The following TAF4 variants were observed in gnomAD, a reference collection of about 807,000 sequenced individuals.
TAF4 encodes transcription initiation factor TFIID subunit 4.
A neutral mutation model predicts 90.3 loss-of-function variants in TAF4; 9 were observed. The observed-to-expected ratio is 0.10, with a 90% CI of 0.06 to 0.17. The LOEUF is 0.17. Among genes scored for constraint, TAF4 ranks in the 10% least tolerant of loss-of-function variants. The probability of loss-of-function intolerance (pLI) is 1.00; values close to 1 mark genes in which losing one functional copy is unlikely to be tolerated. For missense variants in TAF4, 1,351 were observed against 1,370.7 expected (o/e 0.99, Z 0.23); for synonymous variants, 818 against 638.9 (o/e 1.28, Z -4.23).
intron 1 of TAF4, among the ~76,000 whole-genome samples, chr20:62,047,300 G>A (rs535658385): frequency 1.3e-5 from 2 of 152,136 alleles, no homozygotes; most frequent in Admixed American, 6.5e-5. Flanking sequence ...TCCTTACCCC[G>A]AGAGGTCACA....
rs1301352071 is a variant in TAF4 at position 62,065,007 on chromosome 20, G to A, written c.804C>T (p.Ala268=). Residue 268 remains alanine (A), a synonymous_variant, in exon 1 of 15, where the codon GCC becomes GCT. Transcript: ENST00000252996. ...PAAPAPAAPA[A]APPPPPPAPA... is the part of the protein sequence containing the mutation. The stretch of plus-strand genomic sequence containing the variant: ...GCGCGGGGGGTGGCGGGGGCGGGGC[G>A]GCGGCGGGGGCGGCGGGCGCGGGGG... The A allele has an allele frequency of 5.5e-5, 16 of 292,866 alleles. No individual in the cohort carries two copies. Among genetic ancestry groups the A allele is most frequent in the Non-Finnish European group, 7.6e-5 (16 of 209,722 alleles). 18.1% of individuals were successfully genotyped at this position (292,866 alleles called of 1,614,324 possible). A position where few individuals can be genotyped will look rare whatever the true frequency, so the allele number is the denominator to read the frequency against.
At position 62,003,771 on chromosome 20, in the gene TAF4, G is replaced by A; in HGVS notation, c.2331C>T (p.Leu777=). ...ALRQPHNRIM[L]TTPQQIQLNP... ...TCAGCTGGATCTGCTGAGGCGTGGT[G>A]AGCATGATCCGGTTGTGAGGCTGCC... The change falls in exon 8 of 15, where the codon CTC becomes CTT. Residue 777 remains leucine (L), a synonymous_variant. Transcript: ENST00000252996. 1 of 1,608,114 alleles carries A rather than the reference G, an allele frequency of 6.2e-7. No homozygotes were observed. Among genetic ancestry groups the A allele is most frequent in the Non-Finnish European group, 8.5e-7 (1 of 1,179,356 alleles).
At chr20:61,993,221 G>A (rs1031265261) in intron 14 of TAF4, among the ~76,000 whole-genome samples, 3 of 152,184 alleles carry the variant, frequency 2.0e-5, no homozygotes, top group Admixed American at 2.0e-4. Context: ...CATGAAGCAT[G>A]ACCAGCCACC....
intron 14 of TAF4, chr20:61,978,867 A>C (rs1224102339): frequency 2.0e-5 from 3 of 153,566 alleles, no homozygotes; most frequent in African/African-American, 7.2e-5. Flanking sequence ...AGATTCTGTG[A>C]GTTTTATCAA....
chr20:62,062,108 C>T (rs1298692692), intron 1 of TAF4, among the ~76,000 whole-genome samples: 1 of 152,244 alleles, frequency 6.6e-6, no homozygotes, highest in Non-Finnish European at 1.5e-5. Flanking sequence ...GAACCCTGCC[C>T]ACCCCTAATA....
At chr20:62,054,383 C>T (rs1036563100) in intron 1 of TAF4, among the ~76,000 whole-genome samples, 3 of 152,166 alleles carry the variant, frequency 2.0e-5, no homozygotes, top group Non-Finnish European at 4.4e-5. Context: ...AATTTGTGCA[C>T]GCCAACATGC....
intron 1 of TAF4, among the ~76,000 whole-genome samples, chr20:62,022,869 C>T (rs1054210132): frequency 2.0e-5 from 3 of 152,158 alleles, no homozygotes; most frequent in South Asian, 2.1e-4. Flanking sequence ...CAGCCCCCCC[C>T]CCGCACATTG....
chr20:62,009,806 G>A (rs1057071700), intron 4 of TAF4, among the ~76,000 whole-genome samples: 1 of 152,210 alleles, frequency 6.6e-6, no homozygotes, highest in African/African-American at 2.4e-5. Flanking sequence ...TTTTTCAAAG[G>A]CAGGTGTTTG....
intron 1 of TAF4, among the ~76,000 whole-genome samples, chr20:62,019,780 A>G (rs6061399): frequency 0.046 from 7,045 of 152,288 alleles, 403 homozygotes; most frequent in African/African-American, 0.14. Context: ...CCCACACAAC[A>G]GTTTTCCTGA....
At chr20:61,990,192 T>C (rs1422451764) in intron 14 of TAF4, among the ~76,000 whole-genome samples, 1 of 152,074 alleles carries the variant, frequency 6.6e-6, no homozygotes, top group Non-Finnish European at 1.5e-5. Flanking sequence ...GATTAAAGTG[T>C]ACATATTGAA....
intron 14 of TAF4, among the ~76,000 whole-genome samples, chr20:61,985,819 C>T (rs1243430132): frequency 6.6e-6 from 1 of 151,916 alleles, no homozygotes; most frequent in Non-Finnish European, 1.5e-5. Flanking sequence ...ACCTGGAAGG[C>T]CTGGATGCAG....
chr20:62,022,340 C>T (rs894396408), intron 1 of TAF4, among the ~76,000 whole-genome samples: 1 of 152,090 alleles, frequency 6.6e-6, no homozygotes, highest in Non-Finnish European at 1.5e-5. Flanking sequence ...AAAACACAAA[C>T]GGAGCCACCA....
chr20:62,027,077 A>G (rs879451485), intron 1 of TAF4, among the ~76,000 whole-genome samples: 3 of 152,216 alleles, frequency 2.0e-5, no homozygotes, highest in Non-Finnish European at 4.4e-5. Flanking sequence ...ACAATACACC[A>G]AACTCCGAGT....
intron 1 of TAF4, among the ~76,000 whole-genome samples, chr20:62,053,582 G>A (rs757573206): frequency 9.2e-5 from 14 of 152,196 alleles, no homozygotes; most frequent in East Asian, 1.9e-4. Flanking sequence ...CGTCCACGCC[G>A]ACCTGCAGCA....
At chr20:62,031,930 C>A (rs1311211939) in intron 1 of TAF4, among the ~76,000 whole-genome samples, 1 of 152,110 alleles carries the variant, frequency 6.6e-6, no homozygotes. Context: ...GCACAGGACA[C>A]TTCCAAACAA....
chr20:62,017,148 C>CAA (rs775871007), intron 1 of TAF4, among the ~76,000 whole-genome samples: 2 of 137,526 alleles, frequency 1.5e-5, no homozygotes, highest in Non-Finnish European at 1.6e-5. Flanking sequence ...CTCCTAAAAA[C>CAA]AAAAAAAAAA....
chr20:61,999,118 A>G lies in TAF4; in HGVS notation c.2788-10T>C. On this transcript the variant is annotated splice_polypyrimidine_tract_variant and intron_variant, in intron 11 of 14. Transcript: ENST00000252996. ...CATATCTGTCGTCATCCTATGAAGAAAGTTAAAATACTGCTTGTCATAAAT... is the reference window on the plus strand; with the variant it reads ...CATATCTGTCGTCATCCTATGAAGAGAGTTAAAATACTGCTTGTCATAAAT... 1 of 1,613,780 alleles carries G rather than the reference A, an allele frequency of 6.2e-7. No individual in the cohort carries two copies. Among genetic ancestry groups the G allele is most frequent in the Non-Finnish European group, 8.5e-7 (1 of 1,179,916 alleles).
Position 62,042,767 on chromosome 20 carries a change from T to C in TAF4, c.1360+21684A>G, listed in dbSNP as rs761090693. Among the ~76,000 whole-genome samples the C allele has an allele frequency of 2.2e-4, 33 of 152,254 alleles. 1 individual carries two copies. The highest frequency in any genetic ancestry group is 4.7e-4 in the Non-Finnish European group (32 of 68,050). On this transcript the variant is annotated intron_variant, in intron 1 of 14. Coordinates refer to ENST00000252996, the MANE Select transcript of TAF4 (RefSeq NM_003185.4). ...ACTTCCCATCACTGTTTCAGAAATA[T>C]ACTGCATCTACTTATTAAAACTTAC...
At chr20:62,009,196 T>A (rs370813918) in intron 4 of TAF4, 22 bp from the exon 5 acceptor site, 2 of 1,589,050 alleles carry the variant, frequency 1.3e-6, no homozygotes, top group African/African-American at 2.7e-5. Context: ...TAAAAAGATA[T>A]AAGTGAAAAA....
Sources: gnomAD v4.1 joint callset for allele counts (sites outside exome capture counted in the v4.1 genomes callset) on GRCh38, gnomAD v4.1.1 for gene constraint, MANE v1.5 for transcripts, NCBI Gene and HGNC (gene_info 2026-07-23, HGNC 2026-07-21) for gene names.